DOCK9: variants seen among roughly 807,000 people sequenced by gnomAD.
DOCK9 encodes dedicator of cytokinesis protein 9.
A neutral mutation model predicts 263.3 loss-of-function variants in DOCK9; 89 were observed. That is an observed-to-expected ratio of 0.34 (90% CI 0.28 to 0.40). The LOEUF is 0.40. Among genes scored for constraint, DOCK9 ranks in the 10% least tolerant of loss-of-function variants. DOCK9 has a pLI of 1.00. For missense variants in DOCK9, 2,140 were observed against 2,603.4 expected (o/e 0.82, Z 3.87); for synonymous variants, 976 against 973.1 (o/e 1.00, Z -0.06).
chr13:99,000,365 G>A (rs1431443044), intron 1 of DOCK9, among the ~76,000 whole-genome samples: 1 of 152,180 alleles, frequency 6.6e-6, no homozygotes, highest in Non-Finnish European at 1.5e-5. Flanking sequence ...GTTAGGACCA[G>A]CAATGCAATC....
At chr13:99,023,655 A>G (rs980822591) in intron 1 of DOCK9, among the ~76,000 whole-genome samples, 59 of 152,308 alleles carry the variant, frequency 3.9e-4, no homozygotes, top group Admixed American at 1.1e-3. Context: ...ATCTTTCCAT[A>G]TTTTTTAAAA....
At chr13:98,973,338 G>A (rs916659825) in intron 1 of DOCK9, among the ~76,000 whole-genome samples, 1 of 151,958 alleles carries the variant, frequency 6.6e-6, no homozygotes, top group Non-Finnish European at 1.5e-5. Flanking sequence ...AGAACTTCAG[G>A]GATAGGAAAG....
intron 2 of DOCK9, among the ~76,000 whole-genome samples, chr13:98,947,024 G>C (rs1241800328): frequency 2.6e-5 from 4 of 152,182 alleles, no homozygotes; most frequent in Non-Finnish European, 4.4e-5. Context: ...TTCTGTGGAT[G>C]AGTCCAGATC....
chr13:99,086,285 G>T, exon 1 of DOCK9: 2 of 1,495,270 alleles, frequency 1.3e-6, no homozygotes, highest in South Asian at 1.3e-5. Flanking sequence ...GCCGTGCCCG[G>T]CTTACTCAGC....
intron 37 of DOCK9, chr13:98,846,960 A>T (rs1484314848): frequency 5.4e-6 from 1 of 184,464 alleles, no homozygotes; most frequent in Non-Finnish European, 1.1e-5. Flanking sequence ...CATCATCTCC[A>T]CTCCTGTTTT....
chr13:98,856,947 T>C (rs1432816380), intron 33 of DOCK9: 2 of 152,114 alleles, frequency 1.3e-5, no homozygotes, highest in African/African-American at 4.8e-5. Context: ...AAATCTAATG[T>C]GGAAATAAAA....
At chr13:98,798,162 A>G (rs2089664425) in intron 50 of DOCK9, among the ~76,000 whole-genome samples, 1 of 152,188 alleles carries the variant, frequency 6.6e-6, no homozygotes, top group African/African-American at 2.4e-5. Context: ...GGTGAGAAAG[A>G]AGGCTGGACA....
At chr13:98,898,391 T>C (rs1257064077) in intron 13 of DOCK9, 130 bp from the exon 14 acceptor site, 4 of 664,190 alleles carry the variant, frequency 6.0e-6, no homozygotes, top group Non-Finnish European at 1.1e-5. Flanking sequence ...AAGCACATCA[T>C]ACAGTAATGA....
chr13:98,945,057 C>T (rs2056525527), intron 2 of DOCK9, among the ~76,000 whole-genome samples: 2 of 152,164 alleles, frequency 1.3e-5, no homozygotes, highest in Admixed American at 6.5e-5. Context: ...GTCAAGGAAA[C>T]AATGATTCTA....
At position 98,855,928 on chromosome 13, in the gene DOCK9, C is replaced by A; in HGVS notation, c.3801G>T (p.Arg1267Ser). 1.2e-6 allele frequency: 2 copies of A among 1,613,980 alleles called. No homozygotes were observed. The highest frequency in any genetic ancestry group is 1.7e-6 in the Non-Finnish European group (2 of 1,179,870). The change falls in exon 34 of 53, where the codon AGG (arginine) becomes AGT (serine). Residue 1267 changes from arginine to serine, a missense_variant. By Grantham distance (110) the Arg-to-Ser change is moderately radical. Coordinates refer to ENST00000682017, the MANE Select transcript of DOCK9 (RefSeq NM_001366683.2). ...STDSGNSLPE[R>S]NSEKSNSLDK... ...CCAGGGAATTGCTCTTCTCACTATTCCTTTCTGGAAGGCTGTTACCCGAAT... is the reference window on the plus strand; with the variant it reads ...CCAGGGAATTGCTCTTCTCACTATTACTTTCTGGAAGGCTGTTACCCGAAT...
At chr13:98,876,519 A>G (rs1473276169) in intron 27 of DOCK9, among the ~76,000 whole-genome samples, 1 of 152,238 alleles carries the variant, frequency 6.6e-6, no homozygotes, top group East Asian at 1.9e-4. Flanking sequence ...ATTTTGGTCT[A>G]AAAATATTAA....
chr13:98,908,217 T>C (rs1033765131), intron 9 of DOCK9, among the ~76,000 whole-genome samples: 1 of 151,868 alleles, frequency 6.6e-6, no homozygotes, highest in African/African-American at 2.4e-5. Context: ...ACCAGCAAAA[T>C]ATAAATGAAA....
At chr13:99,045,133 T>C (rs906741952) in intron 1 of DOCK9, among the ~76,000 whole-genome samples, 2 of 152,188 alleles carry the variant, frequency 1.3e-5, no homozygotes, top group African/African-American at 4.8e-5. Context: ...GACTAGCATA[T>C]GATCCAGCAA....
chr13:99,015,483 T>G, intron 1 of DOCK9: 1 of 1,597,356 alleles, frequency 6.3e-7, no homozygotes, highest in Non-Finnish European at 8.5e-7. Context: ...AATCTTCTTT[T>G]GTCCAATTGT....
chr13:98,842,062 T>A (rs900952470), intron 38 of DOCK9, among the ~76,000 whole-genome samples: 3 of 152,232 alleles, frequency 2.0e-5, no homozygotes, highest in African/African-American at 7.2e-5. Flanking sequence ...CTCAGAGATG[T>A]CTACATTCTC....
chr13:98,816,753 G>A (rs2091895238), intron 45 of DOCK9, among the ~76,000 whole-genome samples: 1 of 151,824 alleles, frequency 6.6e-6, no homozygotes, highest in Non-Finnish European at 1.5e-5. Flanking sequence ...GGAATACGAA[G>A]GAAAAGAGAG....
chr13:98,974,593 T>C (rs2060039310), intron 1 of DOCK9, among the ~76,000 whole-genome samples: 1 of 151,212 alleles, frequency 6.6e-6, no homozygotes, highest in African/African-American at 2.4e-5. Flanking sequence ...CTACTAAAAA[T>C]ACAAAAATTA....
intron 2 of DOCK9, among the ~76,000 whole-genome samples, chr13:98,942,536 C>T (rs2056116438): frequency 6.6e-6 from 1 of 152,182 alleles, no homozygotes; most frequent in South Asian, 2.1e-4. Flanking sequence ...CCGCGCCCAG[C>T]TGGTTGTCTT....
Position 98,846,032 on chromosome 13 carries a change from G to A in DOCK9, c.4090C>T (p.His1364Tyr). 6.3e-7 allele frequency: 1 copy of A among 1,593,412 alleles called. No individual in the cohort carries two copies. ...RNQEGLGPIV[H>Y]DRKSQTLPVS... ...GGCAATGTCTGAGACTTTCGATCATGAACTATGGGTCCCAACCCCTCCTGG... is the reference window on the plus strand; with the variant it reads ...GGCAATGTCTGAGACTTTCGATCATAAACTATGGGTCCCAACCCCTCCTGG... Residue 1364 changes from histidine (H) to tyrosine (Y), a missense_variant, in exon 38 of 53, where the codon CAT (histidine) becomes TAT (tyrosine). This residue lies in a region of DOCK9 where 1,521 missense variants were observed against 1,741.7 expected (regional missense o/e 0.87). Transcript: ENST00000682017.
Sources: gnomAD v4.1 joint callset for allele counts (sites outside exome capture counted in the v4.1 genomes callset) on GRCh38, gnomAD v4.1.1 for gene constraint, gnomAD v4.1.1 regional missense constraint, MANE v1.5 for transcripts, NCBI Gene and HGNC (gene_info 2026-07-23, HGNC 2026-07-21) for gene names.